Variants in CYB5R4 observed in about 807,000 individuals in gnomAD.
CYB5R4 encodes cytochrome b5 reductase 4.
A neutral mutation model predicts 70.2 loss-of-function variants in CYB5R4; 55 were observed. That is an observed-to-expected ratio of 0.78 (90% CI 0.63 to 0.98). The LOEUF is 0.98. CYB5R4 is among the 50% of genes least tolerant of loss of function. CYB5R4 has a pLI of 0.00. For synonymous variants in CYB5R4, 197 were observed against 199.5 expected, an observed-to-expected ratio of 0.99 and a Z score of 0.11; for missense variants, 562 against 612.6, an observed-to-expected ratio of 0.92 and a Z score of 0.87.
chr6:83,870,967 T>C (rs1031218372), intron 2 of CYB5R4, among the ~76,000 whole-genome samples: 13 of 146,940 alleles, frequency 8.8e-5, no homozygotes, highest in Non-Finnish European at 1.8e-4. Flanking sequence ...TCTTTCATTG[T>C]TTGCTTTTTT....
intron 9 of CYB5R4, among the ~76,000 whole-genome samples, chr6:83,924,080 A>AAG (rs2099466878): frequency 6.6e-6 from 1 of 150,666 alleles, no homozygotes; most frequent in Non-Finnish European, 1.5e-5. Context: ...AAAAAAAAAA[A>AAG]AAAAAAAAAG....
Position 83,921,139 on chromosome 6 carries a change from A to G in CYB5R4, c.622A>G (p.Thr208Ala), listed in dbSNP as rs1395193548. ...DHQNDSFRAE[T>A]IIKDCLYLIH... ...TCAGAATGATTCCTTTAGAGCAGAA[A>G]CAATTATTAAGGATTGTTTATATCT... is the stretch of plus-strand genomic sequence containing the variant. The change falls in exon 8 of 16, where the codon ACA becomes GCA. Residue 208 changes from threonine (T) to alanine (A), a missense_variant. By Grantham distance (58) the Thr-to-Ala change is moderately conservative. Transcript: ENST00000369681. The G allele has an allele frequency of 6.5e-7, 1 of 1,530,312 alleles. No individual in the cohort carries two copies. Among genetic ancestry groups the G allele is most frequent in the Non-Finnish European group, 8.9e-7 (1 of 1,121,446 alleles). The allele number at this position is 1,530,312 out of a possible 1,614,324, so 94.8% of individuals were successfully genotyped here.
At chr6:83,958,512 G>T (rs1462003314) in intron 15 of CYB5R4, among the ~76,000 whole-genome samples, 1 of 152,194 alleles carries the variant, frequency 6.6e-6, no homozygotes, top group East Asian at 1.9e-4. Flanking sequence ...GATAGTACAG[G>T]CAGGGAGAAC....
intron 14 of CYB5R4, among the ~76,000 whole-genome samples, chr6:83,953,039 G>A (rs765382776): frequency 1.1e-4 from 17 of 152,068 alleles, no homozygotes; most frequent in African/African-American, 1.9e-4. Context: ...TAGCACTTTC[G>A]GTTTCTTCCA....
chr6:83,955,916 A>G (rs1014096148), intron 15 of CYB5R4, among the ~76,000 whole-genome samples: 6 of 152,256 alleles, frequency 3.9e-5, no homozygotes, highest in African/African-American at 1.4e-4. Context: ...AGGGAAGACT[A>G]GAACACAAAT....
Position 83,966,110 on chromosome 6 carries a change from G to A in CYB5R4, c.*6232G>A, listed in dbSNP as rs1436302483. The stretch of plus-strand genomic sequence containing the variant: ...TGAGACATAAAGTAATTAAGTGGCT[G>A]TTCAGGGGATACAGGAATAGGGGAT... On this transcript the variant is annotated 3_prime_UTR_variant, in exon 16 of 16. Transcript: ENST00000369681. 6.6e-6 allele frequency: 1 copy of A among 152,170 alleles called. No individual in the cohort carries two copies. Among genetic ancestry groups the A allele is most frequent in the African/African-American group, 2.4e-5 (1 of 41,432 alleles). The allele number at this position is 152,170 out of a possible 1,614,324, so 9.4% of individuals were successfully genotyped here.
Position 83,946,345 on chromosome 6 carries a change from C to T in CYB5R4, c.1346+5744C>T, listed in dbSNP as rs888636051. On this transcript the variant is annotated intron_variant, in intron 14 of 15. Transcript: ENST00000369681. ...AACCACGTGATGATCTCAATAGATG[C>T]AGAAAAGGCCTTCAATAAAATTCAA... 2.6e-5 allele frequency among the ~76,000 whole-genome samples: 4 copies of T among 152,138 alleles called. No individual in the cohort carries two copies. The East Asian group carries it at 7.7e-4, about 29-fold the overall frequency.
chr6:83,908,996 T>C lies in CYB5R4; in HGVS notation c.331-13T>C. ...AGTCATGTTGCTTTTCCATCATTTG[T>C]TTTACATACCAGGTTCATCGTTGGG... On this transcript the variant is annotated splice_polypyrimidine_tract_variant and intron_variant, in intron 3 of 15. Coordinates refer to ENST00000369681, the MANE Select transcript of CYB5R4 (RefSeq NM_016230.4). 1 of 1,611,536 alleles carries C rather than the reference T, an allele frequency of 6.2e-7. No homozygotes were observed. Among genetic ancestry groups the C allele is most frequent in the Non-Finnish European group, 8.5e-7 (1 of 1,177,830 alleles).
At chr6:83,957,846 T>G (rs909203757) in intron 15 of CYB5R4, among the ~76,000 whole-genome samples, 1 of 152,164 alleles carries the variant, frequency 6.6e-6, no homozygotes, top group Non-Finnish European at 1.5e-5. Context: ...GTACTTAAAA[T>G]TCATAGTAGC....
At chr6:83,925,497 C>CAT (rs1374026083) in intron 10 of CYB5R4, among the ~76,000 whole-genome samples, 2 of 152,080 alleles carry the variant, frequency 1.3e-5, no homozygotes, top group African/African-American at 4.8e-5. Flanking sequence ...CTAAGTTTAA[C>CAT]ATATATATAG....
At chr6:83,878,444 T>C (rs1588561475) in intron 2 of CYB5R4, among the ~76,000 whole-genome samples, 1 of 151,858 alleles carries the variant, frequency 6.6e-6, no homozygotes, top group African/African-American at 2.4e-5. Flanking sequence ...GCCTCCCGGG[T>C]TCACGCCATT....
chr6:83,919,671 TCAGG>T, intron 7 of CYB5R4, among the ~76,000 whole-genome samples: 1 of 152,250 alleles, frequency 6.6e-6, no homozygotes, highest in East Asian at 1.9e-4. Context: ...CATTTGGAAC[TCAGG>T]CAGTCTGGTT....
intron 3 of CYB5R4, among the ~76,000 whole-genome samples, chr6:83,902,785 A>G (rs1175451045): frequency 6.6e-6 from 1 of 151,788 alleles, no homozygotes; most frequent in Non-Finnish European, 1.5e-5. Context: ...CTTTCTTTGT[A>G]GCTATGGTTA....
chr6:83,884,454 T>TA (rs1214854329), intron 2 of CYB5R4, among the ~76,000 whole-genome samples: 1 of 152,082 alleles, frequency 6.6e-6, no homozygotes, highest in African/African-American at 2.4e-5. Context: ...TTTATAATGA[T>TA]AAAAAGGGTC....
At chr6:83,891,845 A>G (rs1190258543) in intron 2 of CYB5R4, among the ~76,000 whole-genome samples, 3 of 152,224 alleles carry the variant, frequency 2.0e-5, no homozygotes, top group Admixed American at 6.5e-5. Flanking sequence ...ATGGATAGCT[A>G]TTTAAGCTAC....
chr6:83,947,447 C>T (rs1455034330), intron 14 of CYB5R4, among the ~76,000 whole-genome samples: 1 of 151,980 alleles, frequency 6.6e-6, no homozygotes, highest in African/African-American at 2.4e-5. Flanking sequence ...CCATAAAAAC[C>T]CTAGAAGAAA....
At chr6:83,922,115 C>G (rs1054182168) in intron 8 of CYB5R4, among the ~76,000 whole-genome samples, 1 of 152,154 alleles carries the variant, frequency 6.6e-6, no homozygotes, top group African/African-American at 2.4e-5. Flanking sequence ...GGTGCTGCCT[C>G]TCCGTAGCCT....
chr6:83,871,565 G>A (rs763445935), intron 2 of CYB5R4, among the ~76,000 whole-genome samples: 6 of 151,948 alleles, frequency 3.9e-5, no homozygotes, highest in Non-Finnish European at 8.8e-5. Flanking sequence ...TAACCCTCAG[G>A]TGTTCTGTTT....
At chr6:83,934,300 A>G (rs1588581272) in intron 10 of CYB5R4, among the ~76,000 whole-genome samples, 3 of 151,960 alleles carry the variant, frequency 2.0e-5, no homozygotes, top group Admixed American at 1.3e-4. Context: ...AAATTAGGTT[A>G]TTTTTTATAA....
Sources: gnomAD v4.1 joint callset for allele counts (sites outside exome capture counted in the v4.1 genomes callset) on GRCh38, gnomAD v4.1.1 for gene constraint, MANE v1.5 for transcripts, NCBI Gene and HGNC (gene_info 2026-07-23, HGNC 2026-07-21) for gene names.